Variants in BLTP2 observed in about 807,000 individuals in gnomAD.
BLTP2 encodes U937-associated antigen.
At chr17:28,635,072 C>T in the BLTP2 span, 6 of 1,613,498 alleles carry the variant, frequency 3.7e-6, no homozygotes, top group Non-Finnish European at 4.2e-6. Flanking sequence ...ACAGCCTCAT[C>T]TAGAGTTCGA....
the BLTP2 span, chr17:28,618,722 G>T: frequency 7.8e-7 from 1 of 1,276,618 alleles, no homozygotes; most frequent in Non-Finnish European, 1.1e-6. Context: ...TCTTTTATGA[G>T]TTAGACTCCT....
chr17:28,626,282 G>C, the BLTP2 span, among the ~76,000 whole-genome samples: 27 of 152,222 alleles, frequency 1.8e-4, no homozygotes, highest in African/African-American at 6.5e-4. Flanking sequence ...GGTCTTTGAT[G>C]ATCTACCCCA....
At chr17:28,629,286 G>C in the BLTP2 span, among the ~76,000 whole-genome samples, 1 of 148,510 alleles carries the variant, frequency 6.7e-6, no homozygotes, top group African/African-American at 2.6e-5. Context: ...CCAGGCTGAA[G>C]TGCAGTGGTG....
chr17:28,641,309 C>T, the BLTP2 span, among the ~76,000 whole-genome samples: 1 of 152,210 alleles, frequency 6.6e-6, no homozygotes, highest in Non-Finnish European at 1.5e-5. Flanking sequence ...ATCCGCACAG[C>T]TCAAACCTGT....
chr17:28,639,535 A>G, the BLTP2 span: 1 of 1,613,360 alleles, frequency 6.2e-7, no homozygotes, highest in Non-Finnish European at 8.5e-7. Context: ...TAGCGGGAGA[A>G]TAGAGAAAGG....
chr17:28,617,137 A>G, the BLTP2 span: 1 of 1,227,548 alleles, frequency 8.1e-7, no homozygotes, highest in Admixed American at 1.8e-5. Flanking sequence ...AGATCACCAC[A>G]TTGTTTTCCA....
chr17:28,618,584 A>G, the BLTP2 span: 4 of 450,748 alleles, frequency 8.9e-6, no homozygotes, highest in African/African-American at 2.0e-5. Flanking sequence ...CATCAGAGCT[A>G]TATGTGTATC....
At chr17:28,639,408 T>C in the BLTP2 span, 4 of 1,613,654 alleles carry the variant, frequency 2.5e-6, no homozygotes. Context: ...GTGCCGGTAG[T>C]GAATGATGCA....
chr17:28,640,420 T>C, the BLTP2 span: 1 of 876,336 alleles, frequency 1.1e-6, no homozygotes, highest in South Asian at 1.7e-5. Flanking sequence ...TTTTAATTTT[T>C]CCCACACTAC....
chr17:28,633,135 C>A, the BLTP2 span: 1 of 1,581,686 alleles, frequency 6.3e-7, no homozygotes, highest in Non-Finnish European at 8.6e-7. Context: ...AGAGGTCAGG[C>A]AGGTGAAGGA....
the BLTP2 span, chr17:28,645,138 G>T: frequency 1.7e-6 from 2 of 1,191,954 alleles, no homozygotes; most frequent in Non-Finnish European, 2.2e-6. Context: ...ACCGCCGCGG[G>T]CCGACCAGCT....
the BLTP2 span, chr17:28,616,212 C>A: frequency 6.2e-7 from 1 of 1,611,610 alleles, no homozygotes. The surrounding 1 kb of genome is among the most constrained non-coding windows in gnomAD (Gnocchi z 4.8). Context: ...GAAAGGCAGG[C>A]AAGGAGTGTG....
the BLTP2 span, among the ~76,000 whole-genome samples, chr17:28,630,521 C>T: frequency 2.8e-5 from 4 of 142,326 alleles, no homozygotes; most frequent in East Asian, 2.1e-4. Flanking sequence ...TGCTCTGTCA[C>T]CCAGCTTGGA....
At chr17:28,634,401 C>T in the BLTP2 span, 2 of 1,023,036 alleles carry the variant, frequency 2.0e-6, no homozygotes, top group Non-Finnish European at 2.9e-6. Context: ...CATCCCACTC[C>T]ACCCACCCAA....
At chr17:28,620,870 T>C in the BLTP2 span, 4 of 1,034,930 alleles carry the variant, frequency 3.9e-6, no homozygotes, top group Non-Finnish European at 5.8e-6. Flanking sequence ...CAAAGTGAAA[T>C]GTTAATGCCA....
the BLTP2 span, chr17:28,643,616 T>A: frequency 6.2e-7 from 1 of 1,613,850 alleles, no homozygotes; most frequent in South Asian, 1.1e-5. Context: ...TCACGGAAGA[T>A]CATGGCTAAG....
At chr17:28,633,581 C>A in the BLTP2 span, 1 of 1,614,108 alleles carries the variant, frequency 6.2e-7, no homozygotes, top group Non-Finnish European at 8.5e-7. Context: ...TTCGCCTGTT[C>A]AATGTCCATG....
chr17:28,642,067 G>C, the BLTP2 span: 1 of 1,613,976 alleles, frequency 6.2e-7, no homozygotes, highest in Non-Finnish European at 8.5e-7. Context: ...GCTCCACTAG[G>C]CAGGTGTCCT....
At chr17:28,644,111 A>T in the BLTP2 span, 7 of 1,614,150 alleles carry the variant, frequency 4.3e-6, no homozygotes, top group East Asian at 1.6e-4. Context: ...ATCCAAAAAA[A>T]GCGGAAGGAG....
Sources: gnomAD v4.1 joint callset for allele counts (sites outside exome capture counted in the v4.1 genomes callset) on GRCh38, gnomAD v4.1.1 for gene constraint, Gnocchi (gnomAD v3.1) non-coding constraint, MANE v1.5 for transcripts, NCBI Gene and HGNC (gene_info 2026-07-23, HGNC 2026-07-21) for gene names.